PALM2AKAP2: variants seen among roughly 807,000 people sequenced by gnomAD.
PALM2AKAP2 encodes the protein PALM2 and AKAP2 fusion, also known as PALM2-AKAP2 fusion protein.
In PALM2AKAP2, 37 loss-of-function variants were observed where a neutral mutation model predicts 71.5. The observed-to-expected ratio is 0.52, with a 90% CI of 0.40 to 0.68. The LOEUF (loss-of-function observed/expected upper bound fraction) is 0.68. Among genes scored for constraint, PALM2AKAP2 ranks in the 30% least tolerant of loss-of-function variants. PALM2AKAP2 has a pLI of 0.00. For missense variants in PALM2AKAP2, 1,224 were observed against 1,191.8 expected, an observed-to-expected ratio of 1.03 and a Z score of -0.40; for synonymous variants, 468 against 478.8, an observed-to-expected ratio of 0.98 and a Z score of 0.29.
chr9:110,034,420 A>G (rs1356869028), intron 7 of PALM2AKAP2, among the ~76,000 whole-genome samples: 3 of 152,048 alleles, frequency 2.0e-5, no homozygotes, highest in Non-Finnish European at 4.4e-5. Flanking sequence ...GGCCTCCCAA[A>G]GTTCTGGGAT....
intron 1 of PALM2AKAP2, among the ~76,000 whole-genome samples, chr9:109,861,054 G>A (rs1264428368): frequency 6.6e-6 from 1 of 152,206 alleles, no homozygotes; most frequent in Admixed American, 6.5e-5. Flanking sequence ...CCTTGAGTAG[G>A]TCTTCTGGTC....
intron 4 of PALM2AKAP2, 25 bp downstream of exon 4, chr9:109,923,874 C>G (rs1164214962): frequency 6.5e-7 from 1 of 1,548,178 alleles, no homozygotes; most frequent in East Asian, 2.4e-5. Context: ...AACGATTTCT[C>G]AAAGTTATTT....
intron 1 of PALM2AKAP2, among the ~76,000 whole-genome samples, chr9:109,817,368 C>T (rs1366800370): frequency 6.6e-6 from 1 of 152,188 alleles, no homozygotes; most frequent in African/African-American, 2.4e-5. Context: ...TGCTAATGAT[C>T]AGACCAGGGA....
chr9:110,024,756 C>T (rs2132385468), intron 7 of PALM2AKAP2: 4 of 611,916 alleles, frequency 6.5e-6, no homozygotes, highest in East Asian at 2.8e-5. Context: ...TGCACTCTAT[C>T]CTGGGTGATG....
At chr9:109,694,054 T>A (rs1029220476) in intron 1 of PALM2AKAP2, among the ~76,000 whole-genome samples, 14 of 151,984 alleles carry the variant, frequency 9.2e-5, no homozygotes, top group African/African-American at 2.9e-4. Context: ...CACCGTACAA[T>A]TGGAATGTAT....
chr9:109,981,326 A>G (rs1189724995), intron 6 of PALM2AKAP2, among the ~76,000 whole-genome samples: 4 of 152,226 alleles, frequency 2.6e-5, no homozygotes, highest in Non-Finnish European at 5.9e-5. Flanking sequence ...TGTGTGCAGG[A>G]TGCTGTAGGA....
chr9:109,713,894 T>C (rs1465598310), intron 1 of PALM2AKAP2, among the ~76,000 whole-genome samples: 2 of 152,218 alleles, frequency 1.3e-5, no homozygotes, highest in Non-Finnish European at 2.9e-5. Context: ...ATAGGTCTAG[T>C]AAACTATAAG....
chr9:109,881,876 C>CTTTTTT (rs565835467), intron 3 of PALM2AKAP2, among the ~76,000 whole-genome samples: 4,033 of 94,952 alleles, frequency 0.042, 601 homozygotes, highest in East Asian at 0.07. Flanking sequence ...CTTATGAGCT[C>CTTTTTT]TTTTTTTTTT....
At chr9:109,834,545 T>A (rs1308403321) in intron 1 of PALM2AKAP2, among the ~76,000 whole-genome samples, 1 of 152,100 alleles carries the variant, frequency 6.6e-6, no homozygotes, top group Non-Finnish European at 1.5e-5. Context: ...TGTGAGGACC[T>A]TGGGGGATTG....
At chr9:110,036,268 A>G (rs926627676) in intron 7 of PALM2AKAP2, among the ~76,000 whole-genome samples, 2 of 152,150 alleles carry the variant, frequency 1.3e-5, no homozygotes, top group Non-Finnish European at 2.9e-5. Flanking sequence ...AACTTCCTAG[A>G]AACCCTGATC....
intron 1 of PALM2AKAP2, among the ~76,000 whole-genome samples, chr9:109,793,073 A>G (rs1460527350): frequency 6.6e-6 from 1 of 152,242 alleles, no homozygotes; most frequent in Non-Finnish European, 1.5e-5. Context: ...AAGCGATTGT[A>G]TGCTTTGATT....
At chr9:109,742,257 A>T (rs1432002953) in intron 1 of PALM2AKAP2, among the ~76,000 whole-genome samples, 5 of 7,542 alleles carry the variant, frequency 6.6e-4, no homozygotes, top group African/African-American at 7.1e-3. Flanking sequence ...GTATTCACAC[A>T]CACACACACA....
chr9:109,894,496 C>T (rs1178220318), intron 3 of PALM2AKAP2, among the ~76,000 whole-genome samples: 2 of 152,160 alleles, frequency 1.3e-5, no homozygotes, highest in Non-Finnish European at 2.9e-5. Context: ...TGTTTATTAC[C>T]AGTCTGTGAC....
chr9:109,897,945 T>G (rs1261820755), intron 3 of PALM2AKAP2, among the ~76,000 whole-genome samples: 1 of 152,204 alleles, frequency 6.6e-6, no homozygotes, highest in South Asian at 2.1e-4. Flanking sequence ...ATTTACTGTT[T>G]GGATTAAATT....
At chr9:109,979,236 G>T (rs754974617) in intron 6 of PALM2AKAP2, among the ~76,000 whole-genome samples, 2 of 152,086 alleles carry the variant, frequency 1.3e-5, no homozygotes, top group Non-Finnish European at 2.9e-5. Flanking sequence ...CAAGTGATCC[G>T]TCCACCTCGG....
chr9:109,745,094 C>G (rs1828777842), intron 1 of PALM2AKAP2, among the ~76,000 whole-genome samples: 1 of 152,126 alleles, frequency 6.6e-6, no homozygotes, highest in African/African-American at 2.4e-5. Context: ...CCTTTTTGCT[C>G]ATTTTCAGAG....
chr9:109,666,446 G>A (rs555702788), intron 1 of PALM2AKAP2, among the ~76,000 whole-genome samples: 9 of 152,318 alleles, frequency 5.9e-5, no homozygotes, highest in Non-Finnish European at 1.2e-4. Context: ...GAAGGGTATA[G>A]GAAGGGTATA....
At chr9:110,053,172 C>T (rs1833746590) in intron 1 of PALM2AKAP2, among the ~76,000 whole-genome samples, 1 of 152,132 alleles carries the variant, frequency 6.6e-6, no homozygotes, top group Admixed American at 6.6e-5. Flanking sequence ...GCTCCTGTCT[C>T]CCATCTAGGA....
rs115538409 is a variant in PALM2AKAP2 at position 110,136,754 on chromosome 9, C to A, written c.784C>A (p.Leu262Met). The A allele has an allele frequency of 1.5e-4, 244 of 1,614,168 alleles. 2 individuals carry two copies. In the African/African-American group the frequency reaches 2.8e-3, roughly 19 times the overall value. ...AGATGGAGAGTTCACTCTCACCACACTGAAAAAGGAGGCCAAGTTTGAGCT... is the reference window on the plus strand; with the variant it reads ...AGATGGAGAGTTCACTCTCACCACAATGAAAAAGGAGGCCAAGTTTGAGCT... The change falls in exon 2 of 4, where the codon CTG (leucine) becomes ATG (methionine). Residue 262 changes from leucine (L) to methionine (M), a missense_variant. Transcript: ENST00000374525.
Sources: gnomAD v4.1 joint callset for allele counts (sites outside exome capture counted in the v4.1 genomes callset) on GRCh38, gnomAD v4.1.1 for gene constraint, MANE v1.5 for transcripts, NCBI Gene and HGNC (gene_info 2026-07-23, HGNC 2026-07-21) for gene names.